ING3: variants seen among roughly 807,000 people sequenced by gnomAD.
ING3 encodes inhibitor of growth family member 3.
In ING3, 6 loss-of-function variants were observed where a neutral mutation model predicts 64.8. The observed-to-expected ratio is 0.09, with a 90% CI of 0.05 to 0.18. ING3 has a LOEUF of 0.18. Ranked by LOEUF, ING3 falls within the 10% of genes least tolerant of loss-of-function variation. The pLI is 1.00. For synonymous variants in ING3, 170 were observed against 173.7 expected, an observed-to-expected ratio of 0.98 and a Z score of 0.17; for missense variants, 310 against 489.7, an observed-to-expected ratio of 0.63 and a Z score of 3.46.
Position 120,970,859 on chromosome 7 carries a change from T to C in ING3, c.1080T>C (p.Pro360=), listed in dbSNP as rs1796062079. ...ATTGGACTTACGACCCAAATGAACC[T>C]CGATACTGCATTTGTAATCAGGTAA... ...QVDWTYDPNE[P]RYCICNQVSY... The change falls in exon 10 of 12, where the codon CCT becomes CCC. Residue 360 remains proline (P), a synonymous_variant. Transcript: ENST00000315870. 1 of 1,593,706 alleles carries C rather than the reference T, an allele frequency of 6.3e-7. No individual in the cohort carries two copies. The highest frequency in any genetic ancestry group is 8.6e-7 in the Non-Finnish European group (1 of 1,161,382).
At chr7:120,959,629 C>CTT (rs1795901765) in intron 4 of ING3, among the ~76,000 whole-genome samples, 3 of 118,680 alleles carry the variant, frequency 2.5e-5, no homozygotes, top group Non-Finnish European at 3.5e-5. Flanking sequence ...CACTTCCTCA[C>CTT]ATTTTTTTTT....
intron 4 of ING3, 68 bp from the exon 5 acceptor site, chr7:120,964,674 C>T (rs1003088191): frequency 1.1e-5 from 14 of 1,244,764 alleles, no homozygotes; most frequent in Non-Finnish European, 1.6e-5. Context: ...ATTTAGGTTT[C>T]CTCATTAAGC....
intron 9 of ING3, among the ~76,000 whole-genome samples, chr7:120,969,524 T>A (rs1048509404): frequency 6.6e-6 from 1 of 152,172 alleles, no homozygotes; most frequent in Non-Finnish European, 1.5e-5. Context: ...TATTTTGCCA[T>A]GTGTTTCAAG....
rs766603556 is a variant in ING3 at position 120,967,941 on chromosome 7, AAAT to A, written c.571_573del (p.Asn191del). 2.1e-5 allele frequency: 34 copies of A among 1,613,982 alleles called. 1 individual carries two copies. In the South Asian group the frequency reaches 2.7e-4, roughly 13 times the overall value. ...TTTTTTACATCTACACAGGTTGTCGAAATAATAATTCCACAGCCTCTTCTAACA... is the reference window on the plus strand; with the variant it reads ...TTTTTTACATCTACACAGGTTGTCGAAATAATTCCACAGCCTCTTCTAACA... On this transcript the variant is annotated inframe_deletion, in exon 8 of 12. Transcript: ENST00000315870.
At position 120,964,834 on chromosome 7, in the gene ING3, G is replaced by A. The variant is rs1440807367; in HGVS notation, c.360G>A (p.Glu120=). 6.2e-7 allele frequency: 1 copy of A among 1,611,010 alleles called. No homozygotes were observed. Among genetic ancestry groups the A allele is most frequent in the Non-Finnish European group, 8.5e-7 (1 of 1,177,524 alleles). Reference sequence around the variant, plus strand: ...ATGCTGGAATTACAGAAATATTAGAGAGGCGTAAGTAAAATTTACAGTTTT... The same window carrying A: ...ATGCTGGAATTACAGAAATATTAGAAAGGCGTAAGTAAAATTTACAGTTTT... ...ADNAGITEIL[E]RRSLELDTPS... The change falls in exon 5 of 12, where the codon GAG becomes GAA. Residue 120 remains glutamate, a synonymous_variant. Coordinates refer to ENST00000315870, the MANE Select transcript of ING3 (RefSeq NM_019071.3).
At chr7:120,960,062 C>T (rs1795911158) in intron 4 of ING3, among the ~76,000 whole-genome samples, 1 of 152,124 alleles carries the variant, frequency 6.6e-6, no homozygotes, top group South Asian at 2.1e-4. Context: ...CTGGCGAAGG[C>T]TGTTAAGAAT....
At chr7:120,950,967 G>T (rs758263037) in intron 1 of ING3, 43 bp downstream of exon 1, 1 of 1,611,200 alleles carries the variant, frequency 6.2e-7, no homozygotes, top group Non-Finnish European at 8.5e-7. Flanking sequence ...GGGACGTGCG[G>T]GCGGGCAAGA....
In ING3 at chr7:120,967,933, G is replaced by T. The variant is rs769130521; in HGVS notation, c.557-1G>T. The stretch of plus-strand genomic sequence containing the variant: ...TTTATTTCTTTTTTACATCTACACA[G>T]GTTGTCGAAATAATAATTCCACAGC... On this transcript the variant is annotated splice_acceptor_variant, in intron 7 of 11. Transcript: ENST00000315870. LOFTEE classifies it high-confidence loss of function. 1.2e-6 allele frequency: 2 copies of T among 1,613,800 alleles called. No individual in the cohort carries two copies. Among genetic ancestry groups the T allele is most frequent in the Non-Finnish European group, 1.7e-6 (2 of 1,179,820 alleles).
intron 4 of ING3, among the ~76,000 whole-genome samples, chr7:120,962,329 C>A (rs1224972601): frequency 6.6e-6 from 1 of 151,834 alleles, no homozygotes; most frequent in Non-Finnish European, 1.5e-5. Context: ...TGGAAGCCGT[C>A]TTATAAAGAT....
intron 11 of ING3, among the ~76,000 whole-genome samples, chr7:120,974,225 G>C (rs1376791849): frequency 6.6e-6 from 1 of 152,050 alleles, no homozygotes; most frequent in Non-Finnish European, 1.5e-5. Flanking sequence ...AGAGTTTTCT[G>C]CTTAATATGT....
intron 4 of ING3, chr7:120,957,041 A>C (rs1186861564): frequency 1.2e-5 from 3 of 243,696 alleles, no homozygotes; most frequent in Non-Finnish European, 2.0e-5. Flanking sequence ...TGTGCCTGAA[A>C]AAAGGGAGCT....
chr7:120,962,484 TA>T (rs2116670965), intron 4 of ING3, among the ~76,000 whole-genome samples: 1 of 151,794 alleles, frequency 6.6e-6, no homozygotes, highest in East Asian at 1.9e-4. Flanking sequence ...AACATTTTCA[TA>T]TGTAGTGAAC....
chr7:120,957,197 C>T (rs1041692508), intron 4 of ING3, among the ~76,000 whole-genome samples: 2 of 151,922 alleles, frequency 1.3e-5, no homozygotes, highest in African/African-American at 2.4e-5. Context: ...TGGTGAAACC[C>T]CATCTCTACT....
intron 3 of ING3, 49 bp downstream of exon 3, chr7:120,953,453 G>A: frequency 9.0e-7 from 1 of 1,105,946 alleles, no homozygotes; most frequent in East Asian, 2.5e-5. Flanking sequence ...GGGACCCTCT[G>A]AAAAAGATAT....
At chr7:120,951,927 C>T (rs1330122349) in intron 2 of ING3, among the ~76,000 whole-genome samples, 1 of 152,226 alleles carries the variant, frequency 6.6e-6, no homozygotes, top group Non-Finnish European at 1.5e-5. Flanking sequence ...AGAGCAACGA[C>T]TATAAATAGG....
At chr7:120,953,102 C>CT (rs1795791785) in intron 2 of ING3, among the ~76,000 whole-genome samples, 1 of 152,032 alleles carries the variant, frequency 6.6e-6, no homozygotes, top group Admixed American at 6.6e-5. Flanking sequence ...CAAAAATAAT[C>CT]TGTCAATAAG....
At position 120,976,659 on chromosome 7, in the gene ING3, A is replaced by G. The variant is rs900851146; in HGVS notation, c.*1815A>G. ...TATTATGACTATTCCAAACTCATTC[A>G]TTTTATAGAAATGGTCAAAGGAAAA... On this transcript the variant is annotated 3_prime_UTR_variant, in exon 12 of 12. Transcript: ENST00000315870. 6.6e-6 allele frequency: 1 copy of G among 152,172 alleles called. No homozygotes were observed. Among genetic ancestry groups the G allele is most frequent in the Non-Finnish European group, 1.5e-5 (1 of 68,016 alleles). 9.4% of individuals were successfully genotyped at this position (152,172 alleles called of 1,614,324 possible). A position where few individuals can be genotyped will look rare whatever the true frequency, so the allele number is the denominator to read the frequency against.
intron 4 of ING3, among the ~76,000 whole-genome samples, chr7:120,961,393 A>G (rs1795931450): frequency 6.6e-6 from 1 of 152,180 alleles, no homozygotes; most frequent in African/African-American, 2.4e-5. Context: ...ATTTCAACTT[A>G]GAATGTAACA....
intron 4 of ING3, among the ~76,000 whole-genome samples, chr7:120,957,886 C>T (rs919527774): frequency 6.6e-6 from 1 of 152,198 alleles, no homozygotes; most frequent in African/African-American, 2.4e-5. Flanking sequence ...GTTATTTAAT[C>T]TTGAACCACA....
Sources: gnomAD v4.1 joint callset for allele counts (sites outside exome capture counted in the v4.1 genomes callset) on GRCh38, gnomAD v4.1.1 for gene constraint, MANE v1.5 for transcripts, NCBI Gene and HGNC (gene_info 2026-07-23, HGNC 2026-07-21) for gene names.